Variants in LDHC observed in about 807,000 individuals in gnomAD.
LDHC encodes lactate dehydrogenase C.
In LDHC, 20 loss-of-function variants were observed where a neutral mutation model predicts 30.2. The ratio of observed to expected loss-of-function variants is 0.66; its 90% CI spans 0.47 to 0.96. LDHC has a LOEUF of 0.96. LDHC is among the 40% of genes least tolerant of loss of function. The pLI is 0.00. For missense variants in LDHC, 362 were observed against 394.9 expected (o/e 0.92, Z 0.71); for synonymous variants, 139 against 132.7 (o/e 1.05, Z -0.32).
At chr11:18,450,881 G>C in intron 7 of LDHC, 82 bp from the exon 8 acceptor site, 1 of 1,032,220 alleles carries the variant, frequency 9.7e-7, no homozygotes, top group South Asian at 1.5e-5. Context: ...AGTCTCTCCT[G>C]TATACTCTCA....
intron 1 of LDHC, 108 bp from the exon 2 acceptor site, chr11:18,412,597 ATTCT>A (rs1379686561): frequency 5.1e-6 from 5 of 989,622 alleles, no homozygotes; most frequent in Non-Finnish European, 7.5e-6. Context: ...TGACCAGGAA[ATTCT>A]TTCTTTGGCT....
chr11:18,434,815 T>C lies in LDHC; in HGVS notation c.494T>C (p.Leu165Pro). 2 of 1,611,388 alleles carry C rather than the reference T, an allele frequency of 1.2e-6. No individual in the cohort carries two copies. Reference sequence around the variant, plus strand: ...CGTGTAATTGGAAGTGGTTGTAATCTAGACTCTGCCCGTTTCCGTTACCTA... The same window carrying C: ...CGTGTAATTGGAAGTGGTTGTAATCCAGACTCTGCCCGTTTCCGTTACCTA... The part of the protein sequence containing the change: ...VTRVIGSGCN[L>P]DSARFRYLIG... The change falls in exon 5 of 8, where the codon CTA becomes CCA. Residue 165 changes from leucine to proline, a missense_variant. By Grantham distance (98) the Leu-to-Pro change is moderately conservative. Coordinates refer to ENST00000541669, the MANE Select transcript of LDHC (RefSeq NM_017448.5).
At chr11:18,449,847 A>G (rs1274695563) in intron 7 of LDHC, among the ~76,000 whole-genome samples, 1 of 152,138 alleles carries the variant, frequency 6.6e-6, no homozygotes, top group Non-Finnish European at 1.5e-5. Flanking sequence ...GCAGCATGGA[A>G]AGCTGTGAGG....
intron 7 of LDHC, 73 bp from the exon 8 acceptor site, chr11:18,450,890 C>T (rs949048748): frequency 2.7e-6 from 3 of 1,130,324 alleles, no homozygotes; most frequent in African/African-American, 3.2e-5. Context: ...TGTATACTCT[C>T]ATTTTGATGC....
intron 4 of LDHC, among the ~76,000 whole-genome samples, chr11:18,433,678 A>G (rs767904238): frequency 6.6e-6 from 1 of 152,128 alleles, no homozygotes; most frequent in East Asian, 1.9e-4. Context: ...TATTAATTTG[A>G]TAGGTTTTTC....
chr11:18,431,663 G>T (rs1253738312), intron 4 of LDHC, among the ~76,000 whole-genome samples: 4 of 151,952 alleles, frequency 2.6e-5, no homozygotes, highest in African/African-American at 7.3e-5. Context: ...CTCCTGTTCA[G>T]CCTCCCATGT....
chr11:18,433,748 C>T (rs1016858583), intron 4 of LDHC, among the ~76,000 whole-genome samples: 1 of 152,136 alleles, frequency 6.6e-6, no homozygotes, highest in Non-Finnish European at 1.5e-5. Context: ...TTTGTCTTAA[C>T]TTTGGGTAAC....
At chr11:18,420,876 G>A (rs189776589) in intron 3 of LDHC, among the ~76,000 whole-genome samples, 1 of 152,080 alleles carries the variant, frequency 6.6e-6, no homozygotes, top group East Asian at 1.9e-4. Context: ...TGTAGTCTTG[G>A]GGGATTAAAA....
intron 6 of LDHC, among the ~76,000 whole-genome samples, chr11:18,442,725 C>G (rs2133843872): frequency 7.5e-6 from 1 of 132,940 alleles, no homozygotes; most frequent in African/African-American, 2.8e-5. Flanking sequence ...TGCAGTGGGG[C>G]AATTTTGGCT....
intron 6 of LDHC, among the ~76,000 whole-genome samples, 155 bp from the exon 7 acceptor site, chr11:18,446,055 T>A (rs571600029): frequency 3.9e-5 from 6 of 152,342 alleles, no homozygotes; most frequent in African/African-American, 1.4e-4. Context: ...GAAAGTTTTG[T>A]TGCCTGTTTA....
chr11:18,444,604 G>GCA (rs1848518816), intron 6 of LDHC, among the ~76,000 whole-genome samples: 1 of 89,308 alleles, frequency 1.1e-5, no homozygotes, highest in South Asian at 5.0e-4. Context: ...TGTTCAGGTG[G>GCA]TATATATATA....
At chr11:18,429,175 C>T (rs1051510539) in intron 3 of LDHC, among the ~76,000 whole-genome samples, 4 of 134,140 alleles carry the variant, frequency 3.0e-5, no homozygotes, top group Non-Finnish European at 6.1e-5. Flanking sequence ...TGCAGTGGCG[C>T]GATCTTTGCT....
rs1158196121 is a variant in LDHC at position 18,446,153 on chromosome 11, T to C, written c.711-57T>C. On this transcript the variant is annotated intron_variant, in intron 6 of 7. Transcript: ENST00000541669. Reference sequence around the variant, plus strand: ...TAAAATGGATGCTTGAAGAATATTATGTTTTCTCTGGGTTGACTTATTATG... The same window carrying C: ...TAAAATGGATGCTTGAAGAATATTACGTTTTCTCTGGGTTGACTTATTATG... 2.1e-6 allele frequency: 3 copies of C among 1,421,180 alleles called. No homozygotes were observed. The East Asian group carries it at 6.9e-5, about 33-fold the overall frequency. 88.0% of individuals were successfully genotyped at this position (1,421,180 alleles called of 1,614,324 possible). A position where few individuals can be genotyped will look rare whatever the true frequency, so the allele number is the denominator to read the frequency against.
chr11:18,438,050 GAAAA>G (rs1008510142), intron 5 of LDHC, among the ~76,000 whole-genome samples: 1 of 142,942 alleles, frequency 7.0e-6, no homozygotes, highest in Non-Finnish European at 1.5e-5. Context: ...GAGTGAAAAA[GAAAA>G]AAAAAACAAA....
At chr11:18,427,975 C>T (rs1848192018) in intron 3 of LDHC, among the ~76,000 whole-genome samples, 1 of 151,754 alleles carries the variant, frequency 6.6e-6, no homozygotes, top group African/African-American at 2.4e-5. Context: ...CTGTGCCTGG[C>T]CAGAAATGTC....
chr11:18,434,830 T>G lies in LDHC; in HGVS notation c.509T>G (p.Phe170Cys). Reference sequence around the variant, plus strand: ...GGTTGTAATCTAGACTCTGCCCGTTTCCGTTACCTAATTGGAGAAAAGTTG... The same window carrying G: ...GGTTGTAATCTAGACTCTGCCCGTTGCCGTTACCTAATTGGAGAAAAGTTG... ...GSGCNLDSAR[F>C]RYLIGEKLGV... The change falls in exon 5 of 8, where the codon TTC (phenylalanine) becomes TGC (cysteine). Residue 170 changes from phenylalanine to cysteine, a missense_variant. Phe to Cys is a radical substitution (Grantham distance 205). Transcript: ENST00000541669. 6.2e-7 allele frequency: 1 copy of G among 1,612,670 alleles called. No homozygotes were observed. The highest frequency in any genetic ancestry group is 8.5e-7 in the Non-Finnish European group (1 of 1,178,648).
intron 4 of LDHC, among the ~76,000 whole-genome samples, chr11:18,431,759 C>G (rs950727052): frequency 6.6e-6 from 1 of 152,056 alleles, no homozygotes; most frequent in Non-Finnish European, 1.5e-5. Context: ...CCATGTTGGC[C>G]AGGCTGGTCT....
chr11:18,446,222 T>C lies in LDHC; in HGVS notation c.723T>C (p.Ile241=), dbSNP rs1233742800. ...TCTACAACTGTAGTGCCTATGAAAT[T>C]ATCAAGCTGAAGGGGTATACCTCTT... ...HKQVIQSAYE[I]IKLKGYTSWA... Residue 241 remains isoleucine (I), a synonymous_variant, in exon 7 of 8, where the codon ATT becomes ATC. Coordinates refer to ENST00000541669, the MANE Select transcript of LDHC (RefSeq NM_017448.5). 29 of 1,601,698 alleles carry C rather than the reference T, an allele frequency of 1.8e-5. No individual in the cohort carries two copies. The highest frequency in any genetic ancestry group is 2.4e-5 in the Non-Finnish European group (28 of 1,169,020).
chr11:18,436,639 A>G (rs1298261050), intron 5 of LDHC, among the ~76,000 whole-genome samples: 2 of 151,862 alleles, frequency 1.3e-5, no homozygotes. Context: ...GGCATGCACC[A>G]CCACACCCGA....
Sources: allele counts gnomAD v4.1 joint callset (sites outside exome capture counted in the v4.1 genomes callset), GRCh38; gene constraint gnomAD v4.1.1; transcripts MANE v1.5; gene names NCBI Gene and HGNC (gene_info 2026-07-23, HGNC 2026-07-21).